The following RAB31 variants were observed in gnomAD, a reference collection of about 807,000 sequenced individuals.
RAB31 encodes RAB31, member RAS oncogene family.
A neutral mutation model predicts 25.6 loss-of-function variants in RAB31; 21 were observed. That is an observed-to-expected ratio of 0.82 (90% CI 0.58 to 1.18). The LOEUF is 1.18. Ranked by LOEUF, RAB31 falls within the 50% of genes most tolerant of loss-of-function variation. RAB31 has a pLI of 0.00. For synonymous variants in RAB31, 87 were observed against 84.0 expected (o/e 1.04, Z -0.20); for missense variants, 196 against 250.1 (o/e 0.78, Z 1.46).
intron 3 of RAB31, among the ~76,000 whole-genome samples, chr18:9,806,503 C>G (rs370379818): frequency 6.6e-6 from 1 of 150,968 alleles, no homozygotes; most frequent in South Asian, 2.1e-4. Context: ...GTGGGCCTGC[C>G]TCTGTGTTTA....
At chr18:9,746,249 A>G (rs7238569) in intron 1 of RAB31, among the ~76,000 whole-genome samples, 4 of 152,280 alleles carry the variant, frequency 2.6e-5, no homozygotes, top group African/African-American at 7.2e-5. Flanking sequence ...AACATTTCAC[A>G]TTGCTGAAAG....
chr18:9,814,993 T>C, intron 4 of RAB31, 123 bp from the exon 5 acceptor site: 1 of 657,710 alleles, frequency 1.5e-6, no homozygotes, highest in South Asian at 2.0e-5. Context: ...GGTAGTATGT[T>C]AATCTGCATG....
chr18:9,852,925 C>T (rs773886237), intron 6 of RAB31, among the ~76,000 whole-genome samples: 6 of 152,072 alleles, frequency 3.9e-5, no homozygotes, highest in East Asian at 1.9e-4. Flanking sequence ...ATTAACCATT[C>T]GAAAGGAAGT....
chr18:9,778,437 C>T (rs532577119), intron 2 of RAB31, among the ~76,000 whole-genome samples: 7 of 152,070 alleles, frequency 4.6e-5, no homozygotes, highest in Non-Finnish European at 8.8e-5. Context: ...TGCTGAGCCC[C>T]GAGTGGTTGA....
intron 2 of RAB31, among the ~76,000 whole-genome samples, chr18:9,778,707 G>A (rs2068386587): frequency 6.6e-6 from 1 of 152,146 alleles, no homozygotes; most frequent in African/African-American, 2.4e-5. Flanking sequence ...CTGACCTCAG[G>A]TGATCCACCC....
intron 1 of RAB31, among the ~76,000 whole-genome samples, chr18:9,762,730 C>T (rs963859055): frequency 6.6e-5 from 10 of 152,156 alleles, no homozygotes; most frequent in Admixed American, 3.9e-4. Flanking sequence ...TCTTCTTCCC[C>T]ATTTAAAAGT....
chr18:9,754,584 C>G (rs1049445734), intron 1 of RAB31, among the ~76,000 whole-genome samples: 10 of 152,136 alleles, frequency 6.6e-5, no homozygotes, highest in Admixed American at 3.3e-4. Flanking sequence ...CCAGCCCAGA[C>G]TTTTTTCTTG....
intron 1 of RAB31, among the ~76,000 whole-genome samples, chr18:9,753,370 G>A (rs1206762671): frequency 6.6e-6 from 1 of 152,110 alleles, no homozygotes; most frequent in East Asian, 1.9e-4. Context: ...CTTTATAAGG[G>A]GAGAAAGAAA....
At chr18:9,772,895 C>T (rs1392564023) in intron 1 of RAB31, among the ~76,000 whole-genome samples, 1 of 151,706 alleles carries the variant, frequency 6.6e-6, no homozygotes, top group African/African-American at 2.4e-5. Context: ...TTAAGAACAA[C>T]TGAGATGAAA....
intron 5 of RAB31, among the ~76,000 whole-genome samples, chr18:9,835,166 T>C (rs989455395): frequency 2.0e-5 from 3 of 152,168 alleles, no homozygotes; most frequent in Non-Finnish European, 4.4e-5. Flanking sequence ...GGGTCCAGCT[T>C]CTGACCTAAG....
intron 1 of RAB31, among the ~76,000 whole-genome samples, chr18:9,721,451 C>T (rs2068073248): frequency 6.6e-6 from 1 of 151,700 alleles, no homozygotes; most frequent in Non-Finnish European, 1.5e-5. Context: ...CTGTCTCTAC[C>T]AAAAAATATA....
chr18:9,849,041 G>T (rs751327404), intron 6 of RAB31, among the ~76,000 whole-genome samples: 1 of 152,026 alleles, frequency 6.6e-6, no homozygotes, highest in Non-Finnish European at 1.5e-5. Context: ...ATTCCTCCAG[G>T]CACCCTTTTC....
intron 5 of RAB31, among the ~76,000 whole-genome samples, chr18:9,822,230 C>T (rs1348227396): frequency 6.6e-6 from 1 of 152,110 alleles, no homozygotes; most frequent in Non-Finnish European, 1.5e-5. Flanking sequence ...CAACCAATGA[C>T]CTTTTCAACA....
At chr18:9,831,599 C>G (rs1467123501) in intron 5 of RAB31, among the ~76,000 whole-genome samples, 1 of 152,210 alleles carries the variant, frequency 6.6e-6, no homozygotes, top group East Asian at 1.9e-4. Flanking sequence ...GGCCACCACG[C>G]TGCCCTGAGA....
At chr18:9,730,772 A>G (rs2145464865) in intron 1 of RAB31, among the ~76,000 whole-genome samples, 1 of 152,356 alleles carries the variant, frequency 6.6e-6, no homozygotes, top group East Asian at 1.9e-4. Flanking sequence ...TGAGATGCCC[A>G]GTGAGATGGA....
intron 1 of RAB31, among the ~76,000 whole-genome samples, chr18:9,732,196 A>G (rs1157361072): frequency 6.6e-6 from 1 of 152,200 alleles, no homozygotes; most frequent in African/African-American, 2.4e-5. Flanking sequence ...CTGCCTATGC[A>G]GGTACCAGAC....
intron 5 of RAB31, among the ~76,000 whole-genome samples, chr18:9,821,695 C>G (rs1472094659): frequency 6.6e-6 from 1 of 151,990 alleles, no homozygotes; most frequent in Non-Finnish European, 1.5e-5. Context: ...AAATTTAAAA[C>G]ACGATATTCT....
intron 1 of RAB31, among the ~76,000 whole-genome samples, chr18:9,729,253 C>T (rs978528748): frequency 1.3e-5 from 2 of 152,038 alleles, no homozygotes; most frequent in African/African-American, 2.4e-5. Context: ...AAGTATTTAG[C>T]GCGATGGCTC....
intron 5 of RAB31, among the ~76,000 whole-genome samples, chr18:9,844,565 G>C (rs890122264): frequency 3.9e-5 from 6 of 152,176 alleles, no homozygotes; most frequent in African/African-American, 1.4e-4. Context: ...CCCTGGATGA[G>C]CCCTGTTTGT....
Sources: gnomAD v4.1 joint callset for allele counts (sites outside exome capture counted in the v4.1 genomes callset) on GRCh38, gnomAD v4.1.1 for gene constraint, MANE v1.5 for transcripts, NCBI Gene and HGNC (gene_info 2026-07-23, HGNC 2026-07-21) for gene names.